LRRTM4: variants seen among roughly 807,000 people sequenced by gnomAD.
The protein encoded by LRRTM4 is leucine-rich repeat transmembrane neuronal protein 4.
Under a neutral mutation model 47.6 loss-of-function variants are expected in LRRTM4, and 25 were observed. That is an observed-to-expected ratio of 0.53 (90% CI 0.38 to 0.73). The LOEUF (loss-of-function observed/expected upper bound fraction) is 0.73, where lower values mean the gene tolerates loss of function less well. Ranked by LOEUF, LRRTM4 falls within the 30% of genes least tolerant of loss-of-function variation. The probability of loss-of-function intolerance (pLI) is 0.00; values close to 1 mark genes in which losing one functional copy is unlikely to be tolerated. For missense variants in LRRTM4, 638 were observed against 713.4 expected (o/e 0.89, Z 1.20); for synonymous variants, 311 against 269.5 (o/e 1.15, Z -1.51).
At chr2:77,424,795 C>A (rs778308029) in intron 3 of LRRTM4, among the ~76,000 whole-genome samples, 1 of 152,164 alleles carries the variant, frequency 6.6e-6, no homozygotes, top group Non-Finnish European at 1.5e-5. Flanking sequence ...ATCACATATA[C>A]ACTCCTGGTG....
At chr2:77,209,759 T>G (rs60535608) in intron 3 of LRRTM4, among the ~76,000 whole-genome samples, 11,357 of 152,238 alleles carry the variant, frequency 0.075, 647 homozygotes, top group East Asian at 0.32. Flanking sequence ...TGCTCTGACC[T>G]GAATAATCAC....
intron 3 of LRRTM4, among the ~76,000 whole-genome samples, chr2:77,249,952 T>C (rs1675557052): frequency 6.6e-6 from 1 of 152,182 alleles, no homozygotes; most frequent in South Asian, 2.1e-4. Flanking sequence ...ATAAATAAAC[T>C]ATGGTCCATC....
chr2:76,932,951 C>T (rs549388516), intron 3 of LRRTM4, among the ~76,000 whole-genome samples: 2 of 152,132 alleles, frequency 1.3e-5, no homozygotes, highest in East Asian at 1.9e-4. Flanking sequence ...CCCATCAACC[C>T]GTCATCTACA....
intron 3 of LRRTM4, among the ~76,000 whole-genome samples, chr2:77,487,611 T>A (rs4624407): frequency 6.6e-6 from 1 of 152,106 alleles, no homozygotes; most frequent in Non-Finnish European, 1.5e-5. Context: ...GGCAGACAGG[T>A]TCCTGGACAG....
chr2:77,481,927 G>A lies in LRRTM4; in HGVS notation c.1551+36391C>T, dbSNP rs558376834. Among the ~76,000 whole-genome samples, 11 of 148,822 alleles carry A rather than the reference G, an allele frequency of 7.4e-5. No individual in the cohort carries two copies. The South Asian group carries it at 2.3e-3, about 31-fold the overall frequency. On this transcript the variant is annotated intron_variant, in intron 3 of 3. Coordinates refer to ENST00000409884, the MANE Select transcript of LRRTM4 (RefSeq NM_001134745.3). ...TAGTTATTTTAGGACCTGACACCAA[G>A]CATGAAATACACCACTTCTCTCAGC...
intron 3 of LRRTM4, among the ~76,000 whole-genome samples, chr2:77,141,200 T>C (rs967566953): frequency 1.3e-5 from 2 of 152,172 alleles, no homozygotes; most frequent in African/African-American, 4.8e-5. Flanking sequence ...CTATTCACAA[T>C]AACAAATACT....
At chr2:77,404,738 A>G (rs1674113550) in intron 3 of LRRTM4, among the ~76,000 whole-genome samples, 1 of 152,110 alleles carries the variant, frequency 6.6e-6, no homozygotes, top group South Asian at 2.1e-4. Flanking sequence ...TCTATGAAAA[A>G]AAGTGTTAAG....
At chr2:77,102,420 C>T (rs977371721) in intron 3 of LRRTM4, among the ~76,000 whole-genome samples, 1 of 152,196 alleles carries the variant, frequency 6.6e-6, no homozygotes. Context: ...CTTCAGAGTT[C>T]TTTTTCTGCT....
At chr2:77,051,963 T>G (rs1357543129) in intron 3 of LRRTM4, among the ~76,000 whole-genome samples, 2 of 152,102 alleles carry the variant, frequency 1.3e-5, no homozygotes, top group African/African-American at 4.8e-5. Flanking sequence ...CATTTCCATT[T>G]TATCCTTGAG....
intron 3 of LRRTM4, among the ~76,000 whole-genome samples, chr2:77,006,083 A>G (rs193052042): frequency 7.6e-4 from 116 of 152,228 alleles, no homozygotes; most frequent in African/African-American, 2.2e-3. Context: ...GAAACCCCAA[A>G]ATGATATATA....
chr2:77,221,615 T>C (rs1674634359), intron 3 of LRRTM4, among the ~76,000 whole-genome samples: 1 of 151,972 alleles, frequency 6.6e-6, no homozygotes, highest in Non-Finnish European at 1.5e-5. Flanking sequence ...AAGAAGGCCA[T>C]TACATAATGG....
At chr2:76,815,380 A>T (rs1292131365) in intron 3 of LRRTM4, among the ~76,000 whole-genome samples, 2 of 152,070 alleles carry the variant, frequency 1.3e-5, no homozygotes. Flanking sequence ...TTCAAGTTTA[A>T]TGAGAACGTC....
At chr2:77,074,953 G>C (rs1398051409) in intron 3 of LRRTM4, among the ~76,000 whole-genome samples, 1 of 151,946 alleles carries the variant, frequency 6.6e-6, no homozygotes, top group Non-Finnish European at 1.5e-5. Flanking sequence ...CTATGTTTTT[G>C]TTAGCATTTC....
At chr2:77,229,900 C>T in intron 3 of LRRTM4, among the ~76,000 whole-genome samples, 1 of 151,948 alleles carries the variant, frequency 6.6e-6, no homozygotes, top group East Asian at 1.9e-4. Context: ...AAATATATCC[C>T]CCACTTGAAC....
intron 3 of LRRTM4, among the ~76,000 whole-genome samples, chr2:77,077,665 TAA>T (rs1572932501): frequency 6.6e-6 from 1 of 152,238 alleles, no homozygotes; most frequent in East Asian, 1.9e-4. Context: ...TCTAGCATTG[TAA>T]ATATGGCTCC....
At chr2:77,060,413 TTAGCACTTTTTAG>T (rs1679749779) in intron 3 of LRRTM4, among the ~76,000 whole-genome samples, 4 of 152,220 alleles carry the variant, frequency 2.6e-5, no homozygotes, top group Admixed American at 2.6e-4. Flanking sequence ...AAAAAATAGA[TTAGCACTTTTTAG>T]TATCTTTGTA....
chr2:77,012,381 C>T (rs1220561076), intron 3 of LRRTM4, among the ~76,000 whole-genome samples: 1 of 151,988 alleles, frequency 6.6e-6, no homozygotes, highest in African/African-American at 2.4e-5. Context: ...TCAGCTTTGA[C>T]AATGAGAAAT....
At chr2:76,981,537 T>C (rs929267171) in intron 3 of LRRTM4, among the ~76,000 whole-genome samples, 10 of 152,188 alleles carry the variant, frequency 6.6e-5, no homozygotes, top group Non-Finnish European at 1.5e-4. Flanking sequence ...CTCTGTCGCC[T>C]AGACTGAAGT....
chr2:76,803,565 T>TAACA (rs1410357293), intron 3 of LRRTM4, among the ~76,000 whole-genome samples: 1 of 152,066 alleles, frequency 6.6e-6, no homozygotes, highest in Non-Finnish European at 1.5e-5. Context: ...AATATAAAAC[T>TAACA]AACAGATGAT....
Sources: allele counts gnomAD v4.1 joint callset (sites outside exome capture counted in the v4.1 genomes callset), GRCh38; gene constraint gnomAD v4.1.1; transcripts MANE v1.5; gene names NCBI Gene and HGNC (gene_info 2026-07-23, HGNC 2026-07-21).